The following ZNF780A variants were observed in gnomAD, a reference collection of about 807,000 sequenced individuals.
ZNF780A encodes zinc finger protein 780A.
ZNF780A carries 40 observed loss-of-function variants against 56.7 expected under a neutral mutation model. That is an observed-to-expected ratio of 0.71 (90% CI 0.55 to 0.92). ZNF780A has a LOEUF of 0.92. ZNF780A is among the 40% of genes least tolerant of loss of function. The pLI, the probability that ZNF780A is intolerant of heterozygous loss-of-function variation, is 0.00. For synonymous variants in ZNF780A, 231 were observed against 248.3 expected (o/e 0.93, Z 0.66); for missense variants, 672 against 783.3 (o/e 0.86, Z 1.70).
downstream of ZNF780A, chr19:40,069,543 G>T (rs1359965114): frequency 1.3e-5 from 2 of 152,094 alleles, no homozygotes; most frequent in Non-Finnish European, 2.9e-5. Flanking sequence ...TATCACTTTT[G>T]TACCATCATA....
chr19:40,074,157 A>G lies in ZNF780A; in HGVS notation c.*359T>C. 1 of 1,380,658 alleles carries G rather than the reference A, an allele frequency of 7.2e-7. No individual in the cohort carries two copies. The highest frequency in any genetic ancestry group is 9.5e-7 in the Non-Finnish European group (1 of 1,050,310). 85.5% of individuals were successfully genotyped at this position (1,380,658 alleles called of 1,614,324 possible). On this transcript the variant is annotated 3_prime_UTR_variant, in exon 6 of 6. Coordinates refer to ENST00000683561, the MANE Select transcript of ZNF780A (RefSeq NM_001142578.2). The stretch of plus-strand genomic sequence containing the variant: ...TTGAACAAGGTTTGAGCCACTATTG[A>G]AGGCCTTCCCACATTTCTCAAATTC...
chr19:40,075,365 T>G lies in ZNF780A; in HGVS notation c.1077A>C (p.Lys359Asn). 1 of 1,614,032 alleles carries G rather than the reference T, an allele frequency of 6.2e-7. No homozygotes were observed. The stretch of plus-strand genomic sequence containing the variant: ...TCCCACATTCCCTGCATTCAAAGGG[T>G]TTCTCACCAGTATGAATCTTCTGAT... ...VRHQKIHTGE[K>N]PFECRECGKA... Residue 359 changes from lysine to asparagine, a missense_variant, in exon 6 of 6, where the codon AAA (lysine) becomes AAC (asparagine). Coordinates refer to ENST00000683561, the MANE Select transcript of ZNF780A (RefSeq NM_001142578.2).
chr19:40,079,152 C>A (rs1256325824), intron 5 of ZNF780A, among the ~76,000 whole-genome samples: 1 of 151,950 alleles, frequency 6.6e-6, no homozygotes, highest in Admixed American at 6.6e-5. Context: ...AAAAGATATT[C>A]CATGCAAATG....
At position 40,075,482 on chromosome 19, in the gene ZNF780A, A is replaced by G. The variant is rs747918144; in HGVS notation, c.960T>C (p.Leu320=). The stretch of plus-strand genomic sequence containing the variant: ...CAGTATGAATTTGGCAATGTTCAAT[A>G]AGTTGGTAATGATATCGAAAGGCCA... ...CGMAFRYHYQ[L]IEHCQIHTGE... is the part of the protein sequence containing the mutation. Residue 320 remains leucine, a synonymous_variant, in exon 6 of 6, where the codon CTT becomes CTC. Transcript: ENST00000683561. 2 of 1,613,516 alleles carry G rather than the reference A, an allele frequency of 1.2e-6. No homozygotes were observed. The highest frequency in any genetic ancestry group is 1.3e-5 in the African/African-American group (1 of 74,720).
At chr19:40,069,305 G>C (rs904757984), downstream of ZNF780A, 1 of 153,544 alleles carries the variant, frequency 6.5e-6, no homozygotes, top group East Asian at 1.9e-4. Flanking sequence ...TGGCAAGAGA[G>C]AAAACAAGAG....
chr19:40,084,047 G>A (rs994463290), intron 3 of ZNF780A, among the ~76,000 whole-genome samples: 10 of 151,548 alleles, frequency 6.6e-5, no homozygotes, highest in South Asian at 4.2e-4. Flanking sequence ...TTACAGGTGC[G>A]CACCACCACA....
rs756590424 is a variant in ZNF780A at position 40,075,299 on chromosome 19, G to A, written c.1143C>T (p.Asn381=). The change falls in exon 6 of 6, where the codon AAC becomes AAT. Residue 381 remains asparagine, a synonymous_variant. Transcript: ENST00000683561. ...CAAACGGTTTTTCACCTGTGTGAAT[G>A]TTCTTATGGCGATTAAGCTGGTTGA... ...SLLNQLNRHK[N]IHTGEKPFEC... 20 of 1,613,296 alleles carry A rather than the reference G, an allele frequency of 1.2e-5. No individual in the cohort carries two copies. The highest frequency in any genetic ancestry group is 1.0e-5 in the Non-Finnish European group (12 of 1,179,878).
Position 40,081,929 on chromosome 19 carries a change from C to G in ZNF780A, c.137-15G>C. ...AATGGAACTTCCTGCTTAAAAGAAA[C>G]GACACATGTAGAATTTTTTTAATAC... On this transcript the variant is annotated splice_polypyrimidine_tract_variant and intron_variant, in intron 4 of 5. Coordinates refer to ENST00000683561, the MANE Select transcript of ZNF780A (RefSeq NM_001142578.2). 6.3e-7 allele frequency: 1 copy of G among 1,578,066 alleles called. No homozygotes were observed.
At chr19:40,082,424 G>C (rs79408464) in intron 4 of ZNF780A, among the ~76,000 whole-genome samples, 1 of 152,050 alleles carries the variant, frequency 6.6e-6, no homozygotes, top group African/African-American at 2.4e-5. Flanking sequence ...GACATTTATA[G>C]CTCACTCAGT....
At position 40,074,827 on chromosome 19, in the gene ZNF780A, G is replaced by C; in HGVS notation, c.1615C>G (p.Arg539Gly). 2 of 1,613,864 alleles carry C rather than the reference G, an allele frequency of 1.2e-6. No homozygotes were observed. Among genetic ancestry groups the C allele is most frequent in the Non-Finnish European group, 1.7e-6 (2 of 1,179,914 alleles). Residue 539 changes from arginine (R) to glycine (G), a missense_variant, in exon 6 of 6, where the codon CGT becomes GGT. Transcript: ENST00000683561. ...TGTTGATTAAGATTTGAACCACGAC[G>C]AAAGAATTTCCCACATTCCTTACAT... Reference protein sequence around the residue: ...FECKECGKFFRRGSNLNQHRS... With the variant: ...FECKECGKFFGRGSNLNQHRS...
intron 5 of ZNF780A, among the ~76,000 whole-genome samples, chr19:40,080,869 T>C (rs890405984): frequency 6.6e-6 from 1 of 152,128 alleles, no homozygotes; most frequent in Non-Finnish European, 1.5e-5. Context: ...TAAATGGTGC[T>C]GGAAAACTGG....
rs1568446926 is a variant in ZNF780A at position 40,075,723 on chromosome 19, T to C, written c.719A>G (p.Lys240Arg). The C allele has an allele frequency of 1.1e-5, 17 of 1,614,022 alleles. No homozygotes were observed. The highest frequency in any genetic ancestry group is 1.4e-5 in the Non-Finnish European group (17 of 1,180,018). The change falls in exon 6 of 6, where the codon AAG becomes AGG. Residue 240 changes from lysine to arginine, a missense_variant. Coordinates refer to ENST00000683561, the MANE Select transcript of ZNF780A (RefSeq NM_001142578.2). ...CAGTTTCTCACCTGTGTGAATGTTC[T>C]TATGGCGATTAAGCAGGGTAAGAAG... ...FSLLTLLNRH[K>R]NIHTGEKLFE...
chr19:40,089,347 C>T (rs1376194461), intron 2 of ZNF780A: 6 of 1,293,290 alleles, frequency 4.6e-6, no homozygotes, highest in Non-Finnish European at 5.0e-6. Flanking sequence ...ATCATTTGAG[C>T]CCCTCACTCA....
At chr19:40,071,172 A>C (rs761578420), downstream of ZNF780A, 11 of 152,174 alleles carry the variant, frequency 7.2e-5, 1 homozygote, top group Non-Finnish European at 1.3e-4. Flanking sequence ...AAAAAGAAGA[A>C]AGCTATCAAT....
Position 40,075,272 on chromosome 19 carries a change from T to C in ZNF780A, c.1170A>G (p.Glu390=), listed in dbSNP as rs966981776. Residue 390 remains glutamate, a synonymous_variant, in exon 6 of 6, where the codon GAA becomes GAG. Coordinates refer to ENST00000683561, the MANE Select transcript of ZNF780A (RefSeq NM_001142578.2). ...KNIHTGEKPF[E]CKECGKSFNR... is the part of the protein sequence containing the mutation. ...TAAAGGACTTCCCACATTCCTTACA[T>C]TCAAACGGTTTTTCACCTGTGTGAA... The C allele has an allele frequency of 5.6e-6, 9 of 1,613,830 alleles. No individual in the cohort carries two copies. The East Asian group carries it at 2.0e-4, about 36-fold the overall frequency.
rs1244370480 is a variant in ZNF780A, at chr19:40,074,953, C to T, written c.1489G>A (p.Gly497Ser). ...SLVQHQSIHT[G>S]EKPYECKECG... ...TCCTTACATTCATAGGGCTTCTCAC[C>T]AGTGTGAATACTCTGATGTTGAACA... The change falls in exon 6 of 6, where the codon GGT becomes AGT. Residue 497 changes from glycine (G) to serine (S), a missense_variant. Coordinates refer to ENST00000683561, the MANE Select transcript of ZNF780A (RefSeq NM_001142578.2). The T allele has an allele frequency of 2.3e-5, 37 of 1,614,040 alleles. No homozygotes were observed. Among genetic ancestry groups the T allele is most frequent in the Non-Finnish European group, 3.0e-5 (35 of 1,180,026 alleles).
chr19:40,081,770 A>G (rs772055809), intron 5 of ZNF780A, 49 bp downstream of exon 5: 23 of 1,484,950 alleles, frequency 1.5e-5, no homozygotes, highest in Middle Eastern at 1.7e-4. Context: ...TTCTGAGCAC[A>G]TGTCCAGGAC....
At position 40,081,925 on chromosome 19, in the gene ZNF780A, GA is replaced by G. The variant is rs1263275739; in HGVS notation, c.137-12del. On this transcript the variant is annotated splice_polypyrimidine_tract_variant and intron_variant, in intron 4 of 5. Coordinates refer to ENST00000683561, the MANE Select transcript of ZNF780A (RefSeq NM_001142578.2). ...TAGAAATGGAACTTCCTGCTTAAAAGAAACGACACATGTAGAATTTTTTTAA... is the reference window on the plus strand; with the variant it reads ...TAGAAATGGAACTTCCTGCTTAAAAGAACGACACATGTAGAATTTTTTTAA... The G allele has an allele frequency of 3.2e-6, 5 of 1,580,336 alleles. No homozygotes were observed. The African/African-American group carries it at 6.8e-5, about 22-fold the overall frequency.
rs527821834 is a variant in ZNF780A, at chr19:40,074,992, G to A, written c.1450C>T (p.Arg484Cys). The A allele has an allele frequency of 1.4e-5, 23 of 1,614,144 alleles. 1 individual carries two copies. In the Admixed American group the frequency reaches 1.7e-4, roughly 12 times the overall value. ...TGATGTTGAACAAGGCTTGAGCCAC[G>A]ATTGAAGGCCTTCCCACAGTCTTGA... Reference protein sequence around the residue: ...ECQDCGKAFNRGSSLVQHQSI... With the variant: ...ECQDCGKAFNCGSSLVQHQSI... Residue 484 changes from arginine (R) to cysteine (C), a missense_variant, in exon 6 of 6, where the codon CGT becomes TGT. Coordinates refer to ENST00000683561, the MANE Select transcript of ZNF780A (RefSeq NM_001142578.2).
Sources: gnomAD v4.1 joint callset for allele counts (sites outside exome capture counted in the v4.1 genomes callset) on GRCh38, gnomAD v4.1.1 for gene constraint, MANE v1.5 for transcripts, NCBI Gene and HGNC (gene_info 2026-07-23, HGNC 2026-07-21) for gene names.